The following RAPGEF4 variants were observed in gnomAD, a reference collection of about 807,000 sequenced individuals.
The protein encoded by RAPGEF4 is Rap guanine nucleotide exchange factor 4.
RAPGEF4 carries 66 observed loss-of-function variants against 147.9 expected under a neutral mutation model. The observed-to-expected ratio is 0.45, with a 90% CI of 0.37 to 0.55. The LOEUF (loss-of-function observed/expected upper bound fraction) is 0.55, where lower values mean the gene tolerates loss of function less well. Among genes scored for constraint, RAPGEF4 ranks in the 20% least tolerant of loss-of-function variants. RAPGEF4 has a pLI of 0.00. For synonymous variants in RAPGEF4, 419 were observed against 442.7 expected (o/e 0.95, Z 0.67); for missense variants, 1,071 against 1,257.3 (o/e 0.85, Z 2.24).
At chr2:172,782,149 C>T (rs143982404) in intron 1 of RAPGEF4, among the ~76,000 whole-genome samples, 6 of 152,206 alleles carry the variant, frequency 3.9e-5, no homozygotes, top group African/African-American at 1.4e-4. Context: ...ATAAATAACT[C>T]ATAAACTCAT....
intron 6 of RAPGEF4, among the ~76,000 whole-genome samples, chr2:172,956,097 A>G (rs543702896): frequency 6.6e-6 from 1 of 152,296 alleles, no homozygotes; most frequent in South Asian, 2.1e-4. Flanking sequence ...CCTCCCTCTC[A>G]GCAGTGGCCC....
At position 173,052,781 on chromosome 2, in the gene RAPGEF4, A is replaced by AT. The variant is rs1686370705; in HGVS notation, c.*1020dup. 1 of 152,500 alleles carries AT rather than the reference A, an allele frequency of 6.6e-6. No individual in the cohort carries two copies. Among genetic ancestry groups the AT allele is most frequent in the South Asian group, 2.1e-4 (1 of 4,822 alleles). The allele number at this position is 152,500 out of a possible 1,614,324, so 9.4% of individuals were successfully genotyped here. On this transcript the variant is annotated 3_prime_UTR_variant, in exon 31 of 31. Coordinates refer to ENST00000397081, the MANE Select transcript of RAPGEF4 (RefSeq NM_007023.4). ...TATTTAGTACGTAATTTTGAAGTAC[A>AT]TTTTTTCCTGTTTTCACAATTAGAC...
At chr2:172,779,206 C>T (rs1050932545) in intron 1 of RAPGEF4, among the ~76,000 whole-genome samples, 1 of 151,998 alleles carries the variant, frequency 6.6e-6, no homozygotes, top group Non-Finnish European at 1.5e-5. Context: ...CTAGTGGAGA[C>T]AATAGCCAAA....
chr2:172,761,132 T>A (rs1455625453), intron 1 of RAPGEF4, among the ~76,000 whole-genome samples: 1 of 150,930 alleles, frequency 6.6e-6, no homozygotes, highest in African/African-American at 2.4e-5. Flanking sequence ...TTTTTTCTTT[T>A]TTTTTTGTTT....
At chr2:172,834,998 G>T (rs1047460910) in intron 4 of RAPGEF4, among the ~76,000 whole-genome samples, 2 of 152,172 alleles carry the variant, frequency 1.3e-5, no homozygotes, top group African/African-American at 4.8e-5. Flanking sequence ...TCTGAGCTAT[G>T]TAGGAGTTTT....
At chr2:172,963,427 G>T (rs1268353570) in intron 8 of RAPGEF4, among the ~76,000 whole-genome samples, 1 of 152,126 alleles carries the variant, frequency 6.6e-6, no homozygotes. Flanking sequence ...TTTCAAAATT[G>T]TATTACTTTT....
intron 26 of RAPGEF4, 97 bp from the exon 27 acceptor site, chr2:173,033,817 C>A: frequency 9.0e-7 from 1 of 1,106,520 alleles, no homozygotes; most frequent in Non-Finnish European, 1.3e-6. Context: ...TGATTAAGAG[C>A]CAATGGATAT....
intron 26 of RAPGEF4, among the ~76,000 whole-genome samples, chr2:173,032,084 A>C (rs1559199513): frequency 6.6e-6 from 1 of 152,176 alleles, no homozygotes; most frequent in Non-Finnish European, 1.5e-5. Context: ...AAGGGTTCAA[A>C]ACTGAGGGGG....
intron 15 of RAPGEF4, among the ~76,000 whole-genome samples, chr2:172,991,880 G>A (rs1692871988): frequency 6.6e-6 from 1 of 152,002 alleles, no homozygotes; most frequent in Admixed American, 6.6e-5. Context: ...TTGCAAAGAG[G>A]GCAGGAAAAA....
At chr2:173,034,643 A>G (rs182487078) in intron 27 of RAPGEF4, among the ~76,000 whole-genome samples, 15 of 151,938 alleles carry the variant, frequency 9.9e-5, no homozygotes, top group African/African-American at 3.4e-4. Context: ...GGAGGCCAGG[A>G]AAGGTGGATT....
intron 4 of RAPGEF4, among the ~76,000 whole-genome samples, chr2:172,847,793 T>C (rs1262505339): frequency 1.3e-5 from 2 of 152,216 alleles, no homozygotes; most frequent in African/African-American, 4.8e-5. Context: ...TTAAGATTAT[T>C]TATTCTGAAG....
chr2:172,846,480 C>T (rs1181376412), intron 4 of RAPGEF4, among the ~76,000 whole-genome samples: 2 of 152,142 alleles, frequency 1.3e-5, no homozygotes, highest in Non-Finnish European at 2.9e-5. Flanking sequence ...TATCTATTCA[C>T]CTGCAAACAT....
At chr2:172,759,954 C>T (rs1047161461) in intron 1 of RAPGEF4, among the ~76,000 whole-genome samples, 1 of 152,208 alleles carries the variant, frequency 6.6e-6, no homozygotes, top group Non-Finnish European at 1.5e-5. Flanking sequence ...CTGAAGGACA[C>T]AGTGGTGAAT....
intron 1 of RAPGEF4, among the ~76,000 whole-genome samples, chr2:172,761,596 A>G (rs1214766361): frequency 1.3e-5 from 2 of 152,218 alleles, no homozygotes; most frequent in African/African-American, 4.8e-5. Flanking sequence ...CCTAGCCAAG[A>G]AGAATTACTA....
intron 4 of RAPGEF4, among the ~76,000 whole-genome samples, chr2:172,839,599 T>G (rs1490389035): frequency 6.6e-6 from 1 of 152,050 alleles, no homozygotes; most frequent in East Asian, 1.9e-4. Context: ...AAGGCCTTTA[T>G]GACCTGTATT....
At chr2:172,863,605 C>A (rs1243683605) in intron 4 of RAPGEF4, among the ~76,000 whole-genome samples, 1 of 152,142 alleles carries the variant, frequency 6.6e-6, no homozygotes, top group Non-Finnish European at 1.5e-5. Context: ...GGCTAGTTGA[C>A]CTTTCAGAAC....
intron 23 of RAPGEF4, 96 bp downstream of exon 23, chr2:173,020,811 T>C: frequency 1.1e-6 from 1 of 889,540 alleles, no homozygotes; most frequent in Non-Finnish European, 1.8e-6. Flanking sequence ...GGCTAAAAAA[T>C]CTTGAATGGT....
At chr2:172,831,284 T>TTTTTTTTTTTTTTTTTTTTTCTTTG (rs1374227836) in intron 4 of RAPGEF4, among the ~76,000 whole-genome samples, 1 of 142,928 alleles carries the variant, frequency 7.0e-6, no homozygotes, top group Non-Finnish European at 1.5e-5. Context: ...TTTTTTTTTT[T>TTTTTTTTTTTTTTTTTTTTTCTTTG]TGAGACAGAG....
At chr2:172,830,723 C>A (rs1690205226) in intron 4 of RAPGEF4, among the ~76,000 whole-genome samples, 1 of 152,198 alleles carries the variant, frequency 6.6e-6, no homozygotes, top group Non-Finnish European at 1.5e-5. Flanking sequence ...CCCACCTTAG[C>A]CTCCTGTGTA....
Sources: gnomAD v4.1 joint callset for allele counts (sites outside exome capture counted in the v4.1 genomes callset) on GRCh38, gnomAD v4.1.1 for gene constraint, MANE v1.5 for transcripts, NCBI Gene and HGNC (gene_info 2026-07-23, HGNC 2026-07-21) for gene names.